The following ZNF385D variants were observed in gnomAD, a reference collection of about 807,000 sequenced individuals.
ZNF385D encodes the protein zinc finger protein 659.
In ZNF385D, 15 loss-of-function variants were observed where a neutral mutation model predicts 35.8. The observed-to-expected ratio is 0.42, with a 90% CI of 0.28 to 0.64. The LOEUF (loss-of-function observed/expected upper bound fraction) is 0.64. Among genes scored for constraint, ZNF385D ranks in the 30% least tolerant of loss-of-function variants. The probability of loss-of-function intolerance (pLI) is 0.23; values close to 1 mark genes in which losing one functional copy is unlikely to be tolerated. For synonymous variants in ZNF385D, 212 were observed against 186.8 expected, an observed-to-expected ratio of 1.13 and a Z score of -1.10; for missense variants, 474 against 494.6, an observed-to-expected ratio of 0.96 and a Z score of 0.39.
rs138142627 is a variant in ZNF385D, at chr3:21,499,472, C to T, written c.439+11389G>A. 7.0e-3 allele frequency among the ~76,000 whole-genome samples: 1,064 copies of T among 151,992 alleles called. 9 individuals carry two copies. Among genetic ancestry groups the T allele is most frequent in the Non-Finnish European group, 0.011 (735 of 67,972 alleles). On this transcript the variant is annotated intron_variant, in intron 4 of 7. Transcript: ENST00000281523. ...AGAAAGGAACAACAGACACCAGGGC[C>T]TATTTGAGATTGGAAGGTGGGAGAA...
At chr3:22,248,309 A>G (rs1253350796) in intron 2 of ZNF385D, among the ~76,000 whole-genome samples, 2 of 152,314 alleles carry the variant, frequency 1.3e-5, no homozygotes, top group East Asian at 3.9e-4. Context: ...AATTTTATTC[A>G]AGCTTGATGA....
intron 2 of ZNF385D, among the ~76,000 whole-genome samples, chr3:22,187,209 T>C (rs1695695475): frequency 1.3e-5 from 2 of 152,224 alleles, no homozygotes; most frequent in African/African-American, 2.4e-5. Flanking sequence ...TTTTCTAGCA[T>C]CAGCTTTTAA....
chr3:21,636,741 C>G (rs2125848699), intron 2 of ZNF385D, among the ~76,000 whole-genome samples: 1 of 152,060 alleles, frequency 6.6e-6, no homozygotes, highest in Non-Finnish European at 1.5e-5. Context: ...CTCGCAGACA[C>G]ACCCAGGATC....
intron 5 of ZNF385D, among the ~76,000 whole-genome samples, chr3:21,428,888 C>T (rs184599344): frequency 1.1e-3 from 164 of 144,186 alleles, no homozygotes; most frequent in Middle Eastern, 3.7e-3. Flanking sequence ...AAATCATACT[C>T]CAACCACAGT....
chr3:21,825,898 CCCA>C (rs1694583917), intron 3 of ZNF385D, among the ~76,000 whole-genome samples: 1 of 152,178 alleles, frequency 6.6e-6, no homozygotes. Context: ...CCGCTCCTTT[CCCA>C]CCAGCGGGGG....
chr3:21,425,118 A>C lies in ZNF385D; in HGVS notation c.852+374T>G, dbSNP rs1468737593. Among the ~76,000 whole-genome samples, 6 of 152,336 alleles carry C rather than the reference A, an allele frequency of 3.9e-5. No homozygotes were observed. In the South Asian group the frequency reaches 1.2e-3, roughly 32 times the overall value. On this transcript the variant is annotated intron_variant, in intron 6 of 7. Coordinates refer to ENST00000281523, the MANE Select transcript of ZNF385D (RefSeq NM_024697.3). ...TAGCACGTAAATATCTAAACAAATTAAAACGGAATACTGCAAGTTGATCTT... is the reference window on the plus strand; with the variant it reads ...TAGCACGTAAATATCTAAACAAATTCAAACGGAATACTGCAAGTTGATCTT...
chr3:21,568,255 A>G (rs2063216856), intron 2 of ZNF385D, among the ~76,000 whole-genome samples: 1 of 152,170 alleles, frequency 6.6e-6, no homozygotes, highest in African/African-American at 2.4e-5. Context: ...CAAAATCTAA[A>G]TAATAACCAG....
chr3:21,512,382 T>C (rs1707279745), intron 3 of ZNF385D, among the ~76,000 whole-genome samples: 1 of 152,180 alleles, frequency 6.6e-6, no homozygotes, highest in Admixed American at 6.5e-5. Flanking sequence ...TTCCCATTGC[T>C]TATTTAAACT....
intron 1 of ZNF385D, among the ~76,000 whole-genome samples, chr3:21,731,052 T>C (rs2068973589): frequency 1.3e-5 from 2 of 152,204 alleles, no homozygotes; most frequent in South Asian, 2.1e-4. Flanking sequence ...AAAAAGCTTA[T>C]TAGGGCAAAG....
chr3:22,150,328 A>G (rs557798414), intron 3 of ZNF385D, among the ~76,000 whole-genome samples: 152 of 152,274 alleles, frequency 1.0e-3, no homozygotes, highest in Admixed American at 4.7e-3. Flanking sequence ...TGTATTTATA[A>G]AACATGAATA....
intron 2 of ZNF385D, among the ~76,000 whole-genome samples, chr3:22,296,046 C>T (rs1409722643): frequency 6.6e-6 from 1 of 152,112 alleles, no homozygotes; most frequent in East Asian, 1.9e-4. Flanking sequence ...GGAAAAAGTA[C>T]AAGTGGAGGC....
intron 2 of ZNF385D, among the ~76,000 whole-genome samples, chr3:22,349,565 T>C (rs886475959): frequency 2.6e-5 from 4 of 152,192 alleles, no homozygotes; most frequent in Admixed American, 6.5e-5. Flanking sequence ...GAACATACTT[T>C]GTAAAACATC....
intron 2 of ZNF385D, among the ~76,000 whole-genome samples, chr3:22,210,731 A>T (rs1697464426): frequency 6.6e-6 from 1 of 151,842 alleles, no homozygotes; most frequent in South Asian, 2.1e-4. Context: ...CTAGCAAACC[A>T]TTTCCCTCTA....
chr3:21,953,706 C>T (rs991265037), intron 3 of ZNF385D, among the ~76,000 whole-genome samples: 1 of 151,900 alleles, frequency 6.6e-6, no homozygotes, highest in African/African-American at 2.4e-5. Context: ...ATACTATAAC[C>T]AGCCATCCAT....
At chr3:21,574,949 G>A (rs2063450437) in intron 2 of ZNF385D, among the ~76,000 whole-genome samples, 1 of 151,658 alleles carries the variant, frequency 6.6e-6, no homozygotes, top group Non-Finnish European at 1.5e-5. Context: ...GATAGGACTA[G>A]GTAAGTGGCT....
intron 3 of ZNF385D, among the ~76,000 whole-genome samples, chr3:21,829,989 T>C (rs947545411): frequency 6.6e-6 from 1 of 151,932 alleles, no homozygotes; most frequent in African/African-American, 2.4e-5. Flanking sequence ...CTGTGCCTGA[T>C]GGCAGGCGCC....
intron 1 of ZNF385D, among the ~76,000 whole-genome samples, chr3:21,740,639 C>T (rs2069468455): frequency 6.6e-6 from 1 of 152,154 alleles, no homozygotes; most frequent in African/African-American, 2.4e-5. Context: ...TCATGCCATA[C>T]ACTGATTTCC....
intron 2 of ZNF385D, among the ~76,000 whole-genome samples, chr3:22,319,578 G>A (rs1349121328): frequency 6.6e-6 from 1 of 152,108 alleles, no homozygotes; most frequent in Non-Finnish European, 1.5e-5. Flanking sequence ...AATGCATACA[G>A]AGCTAGCAAT....
intron 2 of ZNF385D, among the ~76,000 whole-genome samples, chr3:22,351,725 C>T (rs919212530): frequency 6.6e-6 from 1 of 152,090 alleles, no homozygotes; most frequent in Non-Finnish European, 1.5e-5. Context: ...TAAAGATTAA[C>T]TCATATCTTC....
Sources: allele counts gnomAD v4.1 joint callset (sites outside exome capture counted in the v4.1 genomes callset), GRCh38; gene constraint gnomAD v4.1.1; transcripts MANE v1.5; gene names NCBI Gene and HGNC (gene_info 2026-07-23, HGNC 2026-07-21).